The following FCRL1 variants were observed in gnomAD, a reference collection of about 807,000 sequenced individuals.
FCRL1 encodes Fc receptor like 1.
Under a neutral mutation model 49.2 loss-of-function variants are expected in FCRL1, and 34 were observed. That is an observed-to-expected ratio of 0.69 (90% CI 0.53 to 0.92). The LOEUF (loss-of-function observed/expected upper bound fraction) is 0.92. Ranked by LOEUF, FCRL1 falls within the 40% of genes least tolerant of loss-of-function variation. The probability of loss-of-function intolerance (pLI) is 0.00; values close to 1 mark genes in which losing one functional copy is unlikely to be tolerated. For synonymous variants in FCRL1, 218 were observed against 201.6 expected (o/e 1.08, Z -0.69); for missense variants, 524 against 524.1 (o/e 1.00, Z 0.00).
intron 6 of FCRL1, among the ~76,000 whole-genome samples, chr1:157,800,313 C>A (rs1049973736): frequency 6.6e-6 from 1 of 152,164 alleles, no homozygotes; most frequent in African/African-American, 2.4e-5. Flanking sequence ...CCAATTAGTA[C>A]CAGATCTAGG....
intron 10 of FCRL1, 102 bp downstream of exon 10, chr1:157,796,999 T>C: frequency 2.7e-6 from 3 of 1,101,774 alleles, no homozygotes; most frequent in Non-Finnish European, 4.1e-6. Context: ...AGGTAGACCA[T>C]GGGATTTTTG....
intron 3 of FCRL1, 61 bp downstream of exon 3, chr1:157,803,784 T>A (rs1365526485): frequency 1.3e-6 from 2 of 1,578,658 alleles, no homozygotes; most frequent in Non-Finnish European, 1.7e-6. Context: ...ACAGTGAGGA[T>A]TAGCCTCTTG....
chr1:157,819,309 C>T (rs1230136009), intron 1 of FCRL1, among the ~76,000 whole-genome samples: 1 of 151,916 alleles, frequency 6.6e-6, no homozygotes, highest in African/African-American at 2.4e-5. Context: ...AAAAAAAATC[C>T]CATTCAGCTG....
intron 1 of FCRL1, among the ~76,000 whole-genome samples, chr1:157,812,344 C>A (rs1654443077): frequency 6.6e-6 from 1 of 152,118 alleles, no homozygotes; most frequent in South Asian, 2.1e-4. Flanking sequence ...TATCACCATT[C>A]CAGGGTCTTT....
At chr1:157,801,386 C>T (rs1020115230) in intron 6 of FCRL1, 75 bp downstream of exon 6, 7 of 953,308 alleles carry the variant, frequency 7.3e-6, no homozygotes, top group Non-Finnish European at 1.2e-5. Context: ...TTGCAGTATA[C>T]ATGTCACAAT....
intron 1 of FCRL1, among the ~76,000 whole-genome samples, chr1:157,810,644 GT>G (rs1339623769): frequency 6.6e-6 from 1 of 152,070 alleles, no homozygotes; most frequent in Non-Finnish European, 1.5e-5. Context: ...GATTCTGCTG[GT>G]GGTTATATGG....
Position 157,803,070 on chromosome 1 carries a change from A to G in FCRL1, c.320-406T>C, listed in dbSNP as rs553831115. ...AATTACTCAACTTCTCTGAAGTACA[A>G]TTTTCCATATGTAAAAGAGAGCTGG... On this transcript the variant is annotated intron_variant, in intron 3 of 10. Transcript: ENST00000368176. Among the ~76,000 whole-genome samples, 7 of 152,274 alleles carry G rather than the reference A, an allele frequency of 4.6e-5. No homozygotes were observed. The East Asian group carries it at 9.7e-4, about 21-fold the overall frequency.
rs748895727 is a variant in FCRL1, at chr1:157,801,520, C to A, written c.944G>T (p.Ser315Ile). ...GGCCACGGTGGCTGGACCAAGGGTG[C>A]TGAGCAGCCCCTCAATGACTCCTGA... Reference protein sequence around the residue: ...LTSGVIEGLLSTLGPATVALL... With the variant: ...LTSGVIEGLLITLGPATVALL... Residue 315 changes from serine (S) to isoleucine (I), a missense_variant, in exon 6 of 11, where the codon AGC becomes ATC. Ser to Ile is a moderately radical substitution (Grantham distance 142). Coordinates refer to ENST00000368176, the MANE Select transcript of FCRL1 (RefSeq NM_052938.5). 21 of 1,614,086 alleles carry A rather than the reference C, an allele frequency of 1.3e-5. No individual in the cohort carries two copies. The highest frequency in any genetic ancestry group is 1.7e-5 in the Non-Finnish European group (20 of 1,179,984).
intron 7 of FCRL1, among the ~76,000 whole-genome samples, chr1:157,799,064 C>CA (rs1652007407): frequency 6.6e-6 from 1 of 152,090 alleles, no homozygotes; most frequent in African/African-American, 2.4e-5. Flanking sequence ...GCAGTGGTGC[C>CA]ATCTCGGCTC....
chr1:157,803,997 C>T lies in FCRL1; in HGVS notation c.167G>A (p.Arg56Lys). ...GCCTGGGCCCAAGGCCCGGGTGTCT[C>T]TGAAAAAGCAGAACTGGAACTGGGC... ...SDAQFQFCFF[R>K]DTRALGPGWS... The change falls in exon 3 of 11, where the codon AGA (arginine) becomes AAA (lysine). Residue 56 changes from arginine (R) to lysine (K), a missense_variant. By Grantham distance (26) the Arg-to-Lys change is conservative. Coordinates refer to ENST00000368176, the MANE Select transcript of FCRL1 (RefSeq NM_052938.5). The T allele has an allele frequency of 6.2e-7, 1 of 1,614,182 alleles. No homozygotes were observed. Among genetic ancestry groups the T allele is most frequent in the Non-Finnish European group, 8.5e-7 (1 of 1,180,030 alleles).
intron 9 of FCRL1, chr1:157,797,666 G>C: frequency 1.5e-6 from 2 of 1,374,176 alleles, no homozygotes; most frequent in Non-Finnish European, 2.0e-6. Flanking sequence ...CCCATCCCCA[G>C]GGGAAAGAAA....
chr1:157,802,794 A>C, intron 3 of FCRL1, 130 bp from the exon 4 acceptor site: 1 of 930,520 alleles, frequency 1.1e-6, no homozygotes, highest in Non-Finnish European at 1.6e-6. Context: ...AATTTGGGTG[A>C]GGTGGGGAGG....
intron 9 of FCRL1, 60 bp downstream of exon 9, chr1:157,797,808 T>C (rs1214481087): frequency 6.2e-7 from 1 of 1,613,518 alleles, no homozygotes; most frequent in South Asian, 1.1e-5. Context: ...AGCCACTGAT[T>C]GTTCTCTTGG....
In FCRL1 at chr1:157,794,597, C is replaced by T. The variant is rs187063351; in HGVS notation, c.*1502G>A. The T allele has an allele frequency of 1.3e-5, 2 of 152,106 alleles. No individual in the cohort carries two copies. Among genetic ancestry groups the T allele is most frequent in the Non-Finnish European group, 2.9e-5 (2 of 67,984 alleles). The allele number at this position is 152,106 out of a possible 1,614,324, so 9.4% of individuals were successfully genotyped here. ...GCAATACTAGATTTACAAATTTATCCTTCAGATAATCCAGCAGGAGTGCCA... is the reference window on the plus strand; with the variant it reads ...GCAATACTAGATTTACAAATTTATCTTTCAGATAATCCAGCAGGAGTGCCA... On this transcript the variant is annotated 3_prime_UTR_variant, in exon 11 of 11. Transcript: ENST00000368176.
intron 10 of FCRL1, 39 bp from the exon 11 acceptor site, chr1:157,796,209 C>T (rs930934255): frequency 6.5e-7 from 1 of 1,528,548 alleles, no homozygotes; most frequent in Non-Finnish European, 9.1e-7. Flanking sequence ...GGAAGACAAG[C>T]AGAACATGCC....
At chr1:157,798,103 T>C in intron 8 of FCRL1, 58 bp downstream of exon 8, 3 of 1,560,934 alleles carry the variant, frequency 1.9e-6, no homozygotes, top group Non-Finnish European at 2.6e-6. Context: ...TGTTATCCCA[T>C]TGTCCCTTCC....
At chr1:157,806,266 T>A (rs996489499) in intron 2 of FCRL1, among the ~76,000 whole-genome samples, 1 of 152,220 alleles carries the variant, frequency 6.6e-6, no homozygotes, top group Admixed American at 6.5e-5. Flanking sequence ...TGAATCTCTC[T>A]GAATCTTTCT....
chr1:157,801,665 G>T (rs1190299247), intron 5 of FCRL1, 88 bp from the exon 6 acceptor site: 3 of 982,814 alleles, frequency 3.1e-6, no homozygotes, highest in Admixed American at 4.4e-5. Context: ...TGTGCCCAAG[G>T]TCTGCTCTTC....
chr1:157,813,847 CAAGTCATACAT>C (rs1654679144), intron 1 of FCRL1, among the ~76,000 whole-genome samples: 9 of 152,226 alleles, frequency 5.9e-5, no homozygotes, highest in Admixed American at 3.9e-4. Flanking sequence ...GCAAAAACAT[CAAGTCATACAT>C]AAGAGAATTT....
Sources: gnomAD v4.1 joint callset for allele counts (sites outside exome capture counted in the v4.1 genomes callset) on GRCh38, gnomAD v4.1.1 for gene constraint, MANE v1.5 for transcripts, NCBI Gene and HGNC (gene_info 2026-07-23, HGNC 2026-07-21) for gene names.